RNGTT: variants seen among roughly 807,000 people sequenced by gnomAD.
RNGTT encodes the protein RNA guanylyltransferase and 5'-phosphatase, also known as mRNA-capping enzyme.
In RNGTT, 33 loss-of-function variants were observed where a neutral mutation model predicts 79.3. The observed-to-expected ratio is 0.42, with a 90% confidence interval of 0.32 to 0.56. The LOEUF (loss-of-function observed/expected upper bound fraction) is 0.56, where lower values mean the gene tolerates loss of function less well. RNGTT is among the 20% of genes least tolerant of loss of function. The pLI is 0.17. For synonymous variants in RNGTT, 222 were observed against 235.9 expected (o/e 0.94, Z 0.54); for missense variants, 497 against 739.1 (o/e 0.67, Z 3.80).
At chr6:88,879,106 A>T (rs1360403006) in intron 8 of RNGTT, among the ~76,000 whole-genome samples, 1 of 152,032 alleles carries the variant, frequency 6.6e-6, no homozygotes, top group Non-Finnish European at 1.5e-5. Flanking sequence ...CTGTATAAAA[A>T]CCTTTAGAGA....
At chr6:88,719,549 A>T (rs1477922649) in intron 13 of RNGTT, among the ~76,000 whole-genome samples, 1 of 152,192 alleles carries the variant, frequency 6.6e-6, no homozygotes, top group Non-Finnish European at 1.5e-5. Context: ...TGTAATAAAA[A>T]CAAATACTTT....
rs771455198 is a variant in RNGTT at position 88,904,936 on chromosome 6, T to C, written c.463A>G (p.Thr155Ala). The C allele has an allele frequency of 6.2e-7, 1 of 1,614,012 alleles. No homozygotes were observed. The highest frequency in any genetic ancestry group is 8.5e-7 in the Non-Finnish European group (1 of 1,179,966). ...CCTGGTGGTCTGGCTTGGGCAAAAG[T>C]AGCAACTGCTGCTTCGATACTATAG... Reference protein sequence around the residue: ...MDWSIEAAVATFAQARPPGIY... With the variant: ...MDWSIEAAVAAFAQARPPGIY... Residue 155 changes from threonine to alanine, a missense_variant, in exon 6 of 16, where the codon ACT becomes GCT. Coordinates refer to ENST00000369485, the MANE Select transcript of RNGTT (RefSeq NM_003800.5).
chr6:88,648,867 T>C lies in RNGTT; in HGVS notation c.1506+29486A>G, dbSNP rs75512396. On this transcript the variant is annotated intron_variant, in intron 14 of 15. Transcript: ENST00000369485. ...TTATAATTACCTTTTTACAGAGCGA[T>C]TTCTTTGTAAATCAGCTATGAGTAA... Among the ~76,000 whole-genome samples the C allele has an allele frequency of 4.2e-3, 640 of 152,310 alleles. 1 individual carries two copies. The highest frequency in any genetic ancestry group is 6.4e-3 in the Non-Finnish European group (435 of 68,028).
intron 6 of RNGTT, among the ~76,000 whole-genome samples, chr6:88,893,883 T>A (rs1222843473): frequency 6.6e-6 from 1 of 152,202 alleles, no homozygotes. Flanking sequence ...AATTTGCTAT[T>A]TAATGTTACT....
chr6:88,714,980 G>A (rs181355803), intron 13 of RNGTT, among the ~76,000 whole-genome samples: 1 of 152,146 alleles, frequency 6.6e-6, no homozygotes, highest in South Asian at 2.1e-4. Flanking sequence ...TTAGCCAGGA[G>A]AAGGAAATAA....
chr6:88,700,711 T>C (rs565611925), intron 13 of RNGTT, among the ~76,000 whole-genome samples: 14 of 152,262 alleles, frequency 9.2e-5, no homozygotes, highest in African/African-American at 3.4e-4. Flanking sequence ...GGGCCTGAAA[T>C]CATGGAGTAG....
intron 14 of RNGTT, among the ~76,000 whole-genome samples, chr6:88,645,984 A>C (rs1199789192): frequency 6.6e-6 from 1 of 152,230 alleles, no homozygotes; most frequent in Non-Finnish European, 1.5e-5. Context: ...AATGGCAACA[A>C]AAGCCAAAAT....
At chr6:88,953,445 G>C (rs914361490) in intron 1 of RNGTT, among the ~76,000 whole-genome samples, 1 of 152,012 alleles carries the variant, frequency 6.6e-6, no homozygotes, top group Non-Finnish European at 1.5e-5. Flanking sequence ...TTTTAAAAAT[G>C]AACAAAGCCT....
chr6:88,893,989 T>G (rs1385181382), intron 6 of RNGTT, among the ~76,000 whole-genome samples: 1 of 152,214 alleles, frequency 6.6e-6, no homozygotes, highest in East Asian at 1.9e-4. Flanking sequence ...AGATGCAGTT[T>G]CTTTAATGTA....
intron 13 of RNGTT, among the ~76,000 whole-genome samples, chr6:88,733,444 T>C (rs1335352174): frequency 7.2e-6 from 1 of 138,758 alleles, no homozygotes; most frequent in African/African-American, 2.7e-5. Flanking sequence ...TTCCAAGAAC[T>C]GTGGGATGAT....
chr6:88,662,412 T>C (rs747284926), intron 14 of RNGTT, among the ~76,000 whole-genome samples: 39 of 152,206 alleles, frequency 2.6e-4, no homozygotes, highest in Non-Finnish European at 5.6e-4. Flanking sequence ...ACTTGCACAA[T>C]GTATCATGAC....
chr6:88,725,044 T>C (rs1467337241), intron 13 of RNGTT, among the ~76,000 whole-genome samples: 1 of 152,190 alleles, frequency 6.6e-6, no homozygotes, highest in African/African-American at 2.4e-5. Flanking sequence ...AGAAGTACCT[T>C]GCCTTGCTGA....
chr6:88,663,067 G>A (rs1774250676), intron 14 of RNGTT, among the ~76,000 whole-genome samples: 1 of 152,222 alleles, frequency 6.6e-6, no homozygotes, highest in African/African-American at 2.4e-5. Context: ...TGATGAATGA[G>A]TAATTCCTTA....
At chr6:88,716,647 A>T (rs2127810517) in intron 13 of RNGTT, among the ~76,000 whole-genome samples, 1 of 152,356 alleles carries the variant, frequency 6.6e-6, no homozygotes, top group Non-Finnish European at 1.5e-5. Flanking sequence ...ATAAAAAATG[A>T]TGAGTTCATG....
chr6:88,722,398 T>C (rs1776737394), intron 13 of RNGTT, among the ~76,000 whole-genome samples: 1 of 152,164 alleles, frequency 6.6e-6, no homozygotes, highest in Admixed American at 6.6e-5. Flanking sequence ...ACATGACTTT[T>C]CTAAGACTCA....
intron 15 of RNGTT, among the ~76,000 whole-genome samples, chr6:88,613,657 T>A: frequency 6.6e-6 from 1 of 152,214 alleles, no homozygotes; most frequent in East Asian, 1.9e-4. Flanking sequence ...TTTACCTTTT[T>A]TCAACTCCAC....
chr6:88,640,101 A>G (rs1773251574), intron 14 of RNGTT, among the ~76,000 whole-genome samples: 1 of 152,162 alleles, frequency 6.6e-6, no homozygotes, highest in Non-Finnish European at 1.5e-5. Context: ...TGCTGTAGAC[A>G]TTAAACTCCA....
At chr6:88,839,926 CAAATT>C (rs1177078631) in intron 11 of RNGTT, among the ~76,000 whole-genome samples, 1 of 152,028 alleles carries the variant, frequency 6.6e-6, no homozygotes, top group Non-Finnish European at 1.5e-5. Flanking sequence ...TTTAACAGAT[CAAATT>C]AAACAAAACA....
At chr6:88,819,769 C>T (rs2127878919) in intron 11 of RNGTT, among the ~76,000 whole-genome samples, 1 of 152,202 alleles carries the variant, frequency 6.6e-6, no homozygotes, top group South Asian at 2.1e-4. Context: ...CAACAGACAG[C>T]TGCTAAATTA....
Sources: allele counts gnomAD v4.1 joint callset (sites outside exome capture counted in the v4.1 genomes callset), GRCh38; gene constraint gnomAD v4.1.1; transcripts MANE v1.5; gene names NCBI Gene and HGNC (gene_info 2026-07-23, HGNC 2026-07-21).